Variants in CEP131 observed in about 807,000 individuals in gnomAD.
CEP131 encodes centrosomal protein of 131 kDa.
Under a neutral mutation model 136.8 loss-of-function variants are expected in CEP131, and 99 were observed. The observed-to-expected ratio is 0.72, with a 90% CI of 0.62 to 0.86. The LOEUF is 0.86. Ranked by LOEUF, CEP131 falls within the 40% of genes least tolerant of loss-of-function variation. The probability of loss-of-function intolerance (pLI) is 0.00; values close to 1 mark genes in which losing one functional copy is unlikely to be tolerated. For synonymous variants in CEP131, 646 were observed against 612.7 expected (o/e 1.05, Z -0.80); for missense variants, 1,459 against 1,463.0 (o/e 1.00, Z 0.04).
chr17:81,202,218 C>T (rs200253592), intron 7 of CEP131, 22 bp downstream of exon 7: 21 of 1,552,044 alleles, frequency 1.4e-5, no homozygotes, highest in South Asian at 7.1e-5. Flanking sequence ...AGGCCCCCCC[C>T]CACCGCCCCA....
chr17:81,200,778 T>C (rs1023417833), intron 7 of CEP131, among the ~76,000 whole-genome samples: 2 of 152,220 alleles, frequency 1.3e-5, no homozygotes, highest in African/African-American at 4.8e-5. Context: ...GCGTGAATAC[T>C]GGATGGCGGG....
At chr17:81,205,969 G>A (rs1443887220) in intron 5 of CEP131, among the ~76,000 whole-genome samples, 2 of 152,150 alleles carry the variant, frequency 1.3e-5, no homozygotes, top group African/African-American at 4.8e-5. Context: ...ACTTTGGGAG[G>A]CCAAGGCGGG....
In CEP131 at chr17:81,199,025, A is replaced by C; in HGVS notation, c.1193-54T>G. 3 of 1,433,528 alleles carry C rather than the reference A, an allele frequency of 2.1e-6. No homozygotes were observed. In the African/African-American group the frequency reaches 4.3e-5, roughly 21 times the overall value. 88.8% of individuals were successfully genotyped at this position (1,433,528 alleles called of 1,614,324 possible). Reference sequence around the variant, plus strand: ...CAGGGAGCATCCCGGGGCGGGCAGCAACTCTGGAGGCACCCCCGGGAAGGA... The same window carrying C: ...CAGGGAGCATCCCGGGGCGGGCAGCCACTCTGGAGGCACCCCCGGGAAGGA... On this transcript the variant is annotated intron_variant, in intron 10 of 25. Transcript: ENST00000450824.
chr17:81,191,756 G>A (rs78466129), intron 21 of CEP131, among the ~76,000 whole-genome samples: 1 of 152,244 alleles, frequency 6.6e-6, no homozygotes, highest in Admixed American at 6.5e-5. Context: ...GCCCCACAGG[G>A]CTACGTCGGG....
intron 4 of CEP131, 91 bp from the exon 5 acceptor site, chr17:81,206,962 A>T: frequency 6.4e-7 from 1 of 1,551,952 alleles, no homozygotes; most frequent in Non-Finnish European, 8.7e-7. Context: ...GGAGCCACCA[A>T]CTTCCCATAC....
At chr17:81,206,212 CA>C (rs1274907932) in intron 5 of CEP131, among the ~76,000 whole-genome samples, 39 of 142,570 alleles carry the variant, frequency 2.7e-4, no homozygotes, top group Admixed American at 4.2e-4. Flanking sequence ...GACTCCATCT[CA>C]AAAAAAAAAA....
At chr17:81,193,776 G>C (rs2061693235) in intron 18 of CEP131, 150 bp downstream of exon 18, 1 of 867,606 alleles carries the variant, frequency 1.2e-6, no homozygotes, top group Admixed American at 3.4e-5. Flanking sequence ...GCCCCCAAGG[G>C]CCACTCCAGG....
intron 5 of CEP131, 43 bp downstream of exon 5, chr17:81,206,701 G>T: frequency 6.4e-7 from 1 of 1,573,632 alleles, no homozygotes; most frequent in Non-Finnish European, 8.6e-7. Flanking sequence ...CACTCCAGGA[G>T]CTTCCCACTG....
rs796665986 is a variant in CEP131, at chr17:81,218,386, T to C, written c.177+1494A>G. Among the ~76,000 whole-genome samples, 34 of 152,280 alleles carry C rather than the reference T, an allele frequency of 2.2e-4. 1 individual carries two copies. The highest frequency in any genetic ancestry group is 8.2e-4 in the African/African-American group (34 of 41,556). ...TGCGTCTTCCCCGCCCCATGTGCCA[T>C]GAACCTAGGGCTTTAGAAACAGCGG... On this transcript the variant is annotated intron_variant, in intron 2 of 25. Coordinates refer to ENST00000450824, the MANE Select transcript of CEP131 (RefSeq NM_014984.4).
In CEP131 at chr17:81,203,447, A is replaced by T; in HGVS notation, c.629+47T>A. 1 of 1,468,692 alleles carries T rather than the reference A, an allele frequency of 6.8e-7. No homozygotes were observed. The highest frequency in any genetic ancestry group is 9.3e-7 in the Non-Finnish European group (1 of 1,077,142). The allele number at this position is 1,468,692 out of a possible 1,614,324, so 91.0% of individuals were successfully genotyped here. ...CCAGGTGCACTGACTACATGCCCTA[A>T]CTGAGGTCGGACCCCGCAGCCCCGC... On this transcript the variant is annotated intron_variant, in intron 6 of 25. Transcript: ENST00000450824. This position sits in a 1 kb window ranked among gnomAD's most constrained non-coding sequence, Gnocchi z 4.6.
chr17:81,207,251 A>AGAGGGC lies in CEP131; in HGVS notation c.273-18_273-13dup. ...TGGGCTCCGTTGGCCTGCATCCGAG[A>AGAGGGC]GAGGGCGGCACACAAGGAAAGAGTC... On this transcript the variant is annotated splice_polypyrimidine_tract_variant and intron_variant, in intron 3 of 25. Transcript: ENST00000450824. 1.2e-6 allele frequency: 2 copies of AGAGGGC among 1,611,284 alleles called. No individual in the cohort carries two copies. The highest frequency in any genetic ancestry group is 2.2e-5 in the East Asian group (1 of 44,870).
chr17:81,192,685 G>GGGGGGGGGGGCCCCCC, intron 19 of CEP131, 51 bp downstream of exon 19: 19 of 478,398 alleles, frequency 4.0e-5, no homozygotes, highest in Non-Finnish European at 7.3e-5. Context: ...GGGGGGAGGG[G>GGGGGGGGGGGCCCCCC]TCAGCCAGCG....
chr17:81,194,238 G>T, intron 17 of CEP131, 111 bp from the exon 18 acceptor site: 3 of 1,017,278 alleles, frequency 2.9e-6, no homozygotes, highest in East Asian at 6.1e-5. Context: ...CGCCCACCCA[G>T]GGCCTCCTTG....
At position 81,203,675 on chromosome 17, in the gene CEP131, C is replaced by T. The variant is rs991157780; in HGVS notation, c.516-68G>A. 1.6e-6 allele frequency: 2 copies of T among 1,249,428 alleles called. No individual in the cohort carries two copies. The highest frequency in any genetic ancestry group is 2.3e-6 in the Non-Finnish European group (2 of 886,756). 77.4% of individuals were successfully genotyped at this position (1,249,428 alleles called of 1,614,324 possible). On this transcript the variant is annotated intron_variant, in intron 5 of 25. Transcript: ENST00000450824. This position sits in a 1 kb window ranked among gnomAD's most constrained non-coding sequence, Gnocchi z 4.6. ...GGGGACGCCTGAGATCTCAGAGCTA[C>T]ACTCGCAGCACGGGCTGGGAGGGAA...
chr17:81,212,090 G>A lies in CEP131; in HGVS notation c.178-3068C>T, dbSNP rs145357189. The stretch of plus-strand genomic sequence containing the variant: ...AGCACTTTGAGAGGCCGAGGTGGGC[G>A]GATAATCTGAGGTCGGGAGTTTGAG... On this transcript the variant is annotated intron_variant, in intron 2 of 25. Coordinates refer to ENST00000450824, the MANE Select transcript of CEP131 (RefSeq NM_014984.4). 1.8e-3 allele frequency among the ~76,000 whole-genome samples: 279 copies of A among 151,994 alleles called. 6 individuals carry two copies. In the East Asian group the frequency reaches 0.044, roughly 24 times the overall value.
chr17:81,216,943 G>A (rs1275122690), intron 2 of CEP131, among the ~76,000 whole-genome samples: 1 of 151,896 alleles, frequency 6.6e-6, no homozygotes, highest in Non-Finnish European at 1.5e-5. Flanking sequence ...GGACACCACG[G>A]TGGAAAGGCA....
intron 1 of CEP131, among the ~76,000 whole-genome samples, chr17:81,222,255 G>A (rs979781364): frequency 1.3e-5 from 2 of 152,046 alleles, no homozygotes; most frequent in Admixed American, 6.5e-5. Context: ...CTGAAGGGGC[G>A]GGGACTGATG....
In CEP131 at chr17:81,190,750, T is replaced by C. The variant is rs2061620220; in HGVS notation, c.2996A>G (p.Gln999Arg). 4.2e-5 allele frequency: 68 copies of C among 1,611,928 alleles called. No individual in the cohort carries two copies. The highest frequency in any genetic ancestry group is 5.7e-5 in the Non-Finnish European group (67 of 1,179,626). Residue 999 changes from glutamine (Q) to arginine (R), a missense_variant, in exon 24 of 26, where the codon CAG (glutamine) becomes CGG (arginine). By Grantham distance (43) the Gln-to-Arg change is conservative. This residue lies in a region of CEP131 where 1,026 missense variants were observed against 964.2 expected (regional missense o/e 1.06). Transcript: ENST00000450824. Reference protein sequence around the residue: ...ERSNLAQVIRQEFEDRLAASE... With the variant: ...ERSNLAQVIRREFEDRLAASE... ...GGCTGCCAGCCGGTCCTCGAACTCCTGGCGGATCACCTGGGCCAGGTTGCT... is the reference window on the plus strand; with the variant it reads ...GGCTGCCAGCCGGTCCTCGAACTCCCGGCGGATCACCTGGGCCAGGTTGCT...
intron 7 of CEP131, 93 bp from the exon 8 acceptor site, chr17:81,200,539 G>A (rs958356180): frequency 1.1e-6 from 1 of 946,758 alleles, no homozygotes. Flanking sequence ...GGGGAAGAGA[G>A]AAGCCGGCGG....
Sources: allele counts gnomAD v4.1 joint callset (sites outside exome capture counted in the v4.1 genomes callset), GRCh38; gene constraint gnomAD v4.1.1; regional missense constraint gnomAD v4.1.1; non-coding constraint Gnocchi (gnomAD v3.1); transcripts MANE v1.5; gene names NCBI Gene and HGNC (gene_info 2026-07-23, HGNC 2026-07-21).